The following SPOCK1 variants were observed in gnomAD, a reference collection of about 807,000 sequenced individuals.
SPOCK1 encodes the protein testican-1.
SPOCK1 carries 23 observed loss-of-function variants against 55.3 expected under a neutral mutation model. The observed-to-expected ratio is 0.42, with a 90% confidence interval of 0.30 to 0.59. The LOEUF is 0.59. Ranked by LOEUF, SPOCK1 falls within the 20% of genes least tolerant of loss-of-function variation. The pLI is 0.22. For missense variants in SPOCK1, 499 were observed against 552.5 expected (o/e 0.90, Z 0.97); for synonymous variants, 226 against 221.0 (o/e 1.02, Z -0.20).
chr5:137,498,665 G>T, intron 1 of SPOCK1, 107 bp from the exon 2 acceptor site: 1 of 981,032 alleles, frequency 1.0e-6, no homozygotes, highest in Non-Finnish European at 1.3e-6. Flanking sequence ...ACCCCGCGGC[G>T]GGCACGGGCA....
intron 3 of SPOCK1, among the ~76,000 whole-genome samples, chr5:137,260,395 A>G (rs1561486898): frequency 6.6e-6 from 1 of 152,260 alleles, no homozygotes; most frequent in Non-Finnish European, 1.5e-5. Flanking sequence ...CTATCAAAAA[A>G]GTTACCTCAA....
At chr5:137,030,573 T>TA (rs1751760755) in intron 6 of SPOCK1, among the ~76,000 whole-genome samples, 1 of 152,120 alleles carries the variant, frequency 6.6e-6, no homozygotes, top group African/African-American at 2.4e-5. Flanking sequence ...AAGAAACACT[T>TA]AAAAAATTCT....
chr5:137,288,433 C>T (rs1158468645), intron 2 of SPOCK1, among the ~76,000 whole-genome samples: 1 of 152,300 alleles, frequency 6.6e-6, no homozygotes, highest in Admixed American at 6.5e-5. Flanking sequence ...CACAATGCTT[C>T]CCCTTCTAAA....
At chr5:137,149,211 C>G (rs1438457192) in intron 3 of SPOCK1, among the ~76,000 whole-genome samples, 1 of 152,142 alleles carries the variant, frequency 6.6e-6, no homozygotes, top group Non-Finnish European at 1.5e-5. Flanking sequence ...TGCGTATGTT[C>G]CACACTGCTA....
At chr5:137,324,262 T>C (rs1208138775) in intron 2 of SPOCK1, among the ~76,000 whole-genome samples, 1 of 152,058 alleles carries the variant, frequency 6.6e-6, no homozygotes, top group African/African-American at 2.4e-5. Context: ...CTGGCCAACA[T>C]AGTGAAACCC....
At chr5:136,992,661 G>T (rs1750971184) in intron 6 of SPOCK1, 61 bp from the exon 7 acceptor site, 2 of 1,358,722 alleles carry the variant, frequency 1.5e-6, no homozygotes, top group Admixed American at 2.0e-5. Flanking sequence ...CTGTGTGCAG[G>T]GCTACTGGCA....
chr5:137,021,704 C>T (rs781250874), intron 6 of SPOCK1, among the ~76,000 whole-genome samples: 4 of 152,154 alleles, frequency 2.6e-5, no homozygotes, highest in Non-Finnish European at 5.9e-5. Context: ...AAATGGAATG[C>T]AGTTATTCTA....
At chr5:137,001,901 C>T (rs2126969245) in intron 6 of SPOCK1, among the ~76,000 whole-genome samples, 2 of 152,248 alleles carry the variant, frequency 1.3e-5, no homozygotes, top group East Asian at 3.9e-4. Context: ...AGGTGAATTG[C>T]CTTTCTAATT....
chr5:137,321,038 A>G lies in SPOCK1; in HGVS notation c.187-53983T>C, dbSNP rs1757973617. Among the ~76,000 whole-genome samples, 4 of 152,210 alleles carry G rather than the reference A, an allele frequency of 2.6e-5. No individual in the cohort carries two copies. In the South Asian group the frequency reaches 8.3e-4, roughly 32 times the overall value. On this transcript the variant is annotated intron_variant, in intron 2 of 10. Transcript: ENST00000394945. ...TGAGAGTGTCTGTAAAATGAAAAAGAGTATTTTTTAACCAAAGAAATTTGT... is the reference window on the plus strand; with the variant it reads ...TGAGAGTGTCTGTAAAATGAAAAAGGGTATTTTTTAACCAAAGAAATTTGT...
chr5:137,140,333 CAG>C, intron 4 of SPOCK1, among the ~76,000 whole-genome samples: 1 of 152,174 alleles, frequency 6.6e-6, no homozygotes, highest in Non-Finnish European at 1.5e-5. Context: ...CTCATCTGTT[CAG>C]ATCAGGACTC....
intron 6 of SPOCK1, among the ~76,000 whole-genome samples, chr5:137,052,492 C>T (rs945122146): frequency 6.6e-6 from 1 of 152,194 alleles, no homozygotes; most frequent in East Asian, 1.9e-4. Flanking sequence ...AGAAGACTTA[C>T]AGTATACAAG....
chr5:137,264,546 C>T (rs1022879601), intron 3 of SPOCK1, among the ~76,000 whole-genome samples: 1 of 152,292 alleles, frequency 6.6e-6, no homozygotes, highest in East Asian at 1.9e-4. Context: ...TCATCTGAAA[C>T]TCTGAAGACA....
intron 5 of SPOCK1, among the ~76,000 whole-genome samples, chr5:137,104,452 A>C (rs1753327883): frequency 1.3e-5 from 2 of 152,240 alleles, no homozygotes; most frequent in African/African-American, 4.8e-5. Context: ...TAATGGACTA[A>C]TACAAACAAA....
intron 3 of SPOCK1, among the ~76,000 whole-genome samples, chr5:137,166,274 G>C (rs1440237105): frequency 6.6e-6 from 1 of 152,022 alleles, no homozygotes; most frequent in African/African-American, 2.4e-5. Context: ...CATATTTAAA[G>C]AGCTGAAGGA....
chr5:137,356,164 T>G (rs779019897), intron 2 of SPOCK1, among the ~76,000 whole-genome samples: 1 of 152,158 alleles, frequency 6.6e-6, no homozygotes. Context: ...TCAGTGCAGG[T>G]TGGATTAGGC....
intron 2 of SPOCK1, among the ~76,000 whole-genome samples, chr5:137,286,803 G>C (rs1757275685): frequency 6.6e-6 from 1 of 152,240 alleles, no homozygotes; most frequent in East Asian, 1.9e-4. Flanking sequence ...GCAGTAAGAA[G>C]ACAAATAGAC....
At chr5:137,418,174 T>C (rs543878577) in intron 2 of SPOCK1, among the ~76,000 whole-genome samples, 12 of 152,306 alleles carry the variant, frequency 7.9e-5, no homozygotes, top group African/African-American at 2.4e-4. Context: ...ATGGTGTATA[T>C]GTGCCACATT....
chr5:137,234,222 G>T (rs889031477), intron 3 of SPOCK1, among the ~76,000 whole-genome samples: 3 of 152,188 alleles, frequency 2.0e-5, no homozygotes, highest in African/African-American at 7.2e-5. Context: ...TCTCAGTAGA[G>T]GACAGGATTC....
intron 6 of SPOCK1, among the ~76,000 whole-genome samples, chr5:137,053,895 G>A (rs1298593311): frequency 6.6e-6 from 1 of 152,136 alleles, no homozygotes; most frequent in Non-Finnish European, 1.5e-5. Context: ...TAAGAATGCA[G>A]GTGAGCTTAT....
Sources: allele counts gnomAD v4.1 joint callset (sites outside exome capture counted in the v4.1 genomes callset), GRCh38; gene constraint gnomAD v4.1.1; transcripts MANE v1.5; gene names NCBI Gene and HGNC (gene_info 2026-07-23, HGNC 2026-07-21).